CDH12: variants seen among roughly 807,000 people sequenced by gnomAD.
The protein encoded by CDH12 is cadherin-12.
In CDH12, 41 loss-of-function variants were observed where a neutral mutation model predicts 74.1. The observed-to-expected ratio is 0.55, with a 90% CI of 0.43 to 0.72. The LOEUF (loss-of-function observed/expected upper bound fraction) is 0.72, where lower values mean the gene tolerates loss of function less well. CDH12 is among the 30% of genes least tolerant of loss of function. The pLI, the probability that CDH12 is intolerant of heterozygous loss-of-function variation, is 0.00. For missense variants in CDH12, 945 were observed against 977.2 expected, an observed-to-expected ratio of 0.97 and a Z score of 0.44; for synonymous variants, 399 against 355.0, an observed-to-expected ratio of 1.12 and a Z score of -1.39.
chr5:22,503,795 T>C (rs1736274068), intron 2 of CDH12, among the ~76,000 whole-genome samples: 1 of 152,014 alleles, frequency 6.6e-6, no homozygotes, highest in African/African-American at 2.4e-5. Flanking sequence ...ATCTGGGCCT[T>C]TGGATGTTTT....
At chr5:22,597,972 G>T (rs1162913336) in intron 1 of CDH12, among the ~76,000 whole-genome samples, 1 of 152,040 alleles carries the variant, frequency 6.6e-6, no homozygotes, top group East Asian at 1.9e-4. Flanking sequence ...TGAATCAATT[G>T]GTCAGGAATG....
At chr5:22,060,686 G>A (rs771188114) in intron 5 of CDH12, among the ~76,000 whole-genome samples, 19 of 152,110 alleles carry the variant, frequency 1.2e-4, no homozygotes, top group Non-Finnish European at 1.9e-4. Context: ...GTTACTGAGG[G>A]TTTTGTATAG....
chr5:22,808,171 G>A (rs897666219), intron 1 of CDH12, among the ~76,000 whole-genome samples: 7 of 152,120 alleles, frequency 4.6e-5, no homozygotes, highest in African/African-American at 1.7e-4. Flanking sequence ...TATATTATGT[G>A]AGGAATCAAT....
intron 6 of CDH12, among the ~76,000 whole-genome samples, chr5:21,898,967 A>T (rs1420258902): frequency 2.0e-5 from 3 of 152,116 alleles, no homozygotes; most frequent in Non-Finnish European, 4.4e-5. Context: ...GTTTTAGTCT[A>T]TCTCACACAA....
chr5:22,730,196 C>T (rs1744363598), intron 1 of CDH12, among the ~76,000 whole-genome samples: 1 of 151,654 alleles, frequency 6.6e-6, no homozygotes, highest in African/African-American at 2.4e-5. Flanking sequence ...ACAACAACGA[C>T]AACAACAACA....
intron 2 of CDH12, among the ~76,000 whole-genome samples, chr5:22,448,417 C>T (rs1304302077): frequency 6.6e-6 from 1 of 151,464 alleles, no homozygotes; most frequent in Non-Finnish European, 1.5e-5. Context: ...AAACATAAAA[C>T]TATAATGAGA....
chr5:22,390,378 T>C (rs2126415605), intron 3 of CDH12, among the ~76,000 whole-genome samples: 1 of 152,298 alleles, frequency 6.6e-6, no homozygotes, highest in Middle Eastern at 3.4e-3. Flanking sequence ...ATAATTTTTG[T>C]TTGAAAATAT....
At chr5:22,457,611 C>T (rs188439120) in intron 2 of CDH12, among the ~76,000 whole-genome samples, 4 of 148,996 alleles carry the variant, frequency 2.7e-5, no homozygotes, top group Non-Finnish European at 5.9e-5. Context: ...CAGAGTCTTG[C>T]TCTGTCACCC....
At chr5:22,137,398 G>A (rs1746524696) in intron 4 of CDH12, among the ~76,000 whole-genome samples, 1 of 151,940 alleles carries the variant, frequency 6.6e-6, no homozygotes, top group African/African-American at 2.4e-5. Flanking sequence ...GGGATTGATA[G>A]TCTCTCTCCC....
intron 3 of CDH12, among the ~76,000 whole-genome samples, chr5:22,266,427 A>C (rs1736119633): frequency 6.6e-6 from 1 of 152,122 alleles, no homozygotes; most frequent in South Asian, 2.1e-4. Context: ...TATCTGGAAG[A>C]GGATATTTTT....
chr5:22,590,703 G>C (rs1051627863), intron 1 of CDH12, among the ~76,000 whole-genome samples: 6 of 152,124 alleles, frequency 3.9e-5, no homozygotes, highest in African/African-American at 1.4e-4. Flanking sequence ...AATATTTGCA[G>C]GTTGTTTTCA....
At chr5:22,520,997 T>C (rs564818458) in intron 1 of CDH12, among the ~76,000 whole-genome samples, 173 of 152,062 alleles carry the variant, frequency 1.1e-3, no homozygotes, top group Non-Finnish European at 2.0e-3. Flanking sequence ...CTTTCTTTTT[T>C]TTTTTGTCTT....
At chr5:22,613,654 T>C (rs1013495777) in intron 1 of CDH12, among the ~76,000 whole-genome samples, 1 of 152,084 alleles carries the variant, frequency 6.6e-6, no homozygotes, top group Non-Finnish European at 1.5e-5. Flanking sequence ...CGTGACTTGT[T>C]CCAGAAAGGA....
At chr5:22,004,284 A>G (rs1736800551) in intron 5 of CDH12, among the ~76,000 whole-genome samples, 1 of 152,184 alleles carries the variant, frequency 6.6e-6, no homozygotes, top group Non-Finnish European at 1.5e-5. Flanking sequence ...TGTCAAAGCT[A>G]GTTATGAAGC....
intron 3 of CDH12, among the ~76,000 whole-genome samples, chr5:22,230,520 G>A (rs1752345771): frequency 6.8e-6 from 1 of 147,422 alleles, no homozygotes; most frequent in Admixed American, 6.9e-5. Flanking sequence ...TGCCCAGGCT[G>A]GAGTGCAGTG....
rs371359584 is a variant in CDH12 at position 21,811,709 on chromosome 5, C to CTTTTTT, written c.1002+5230_1002+5235dup. ...AACACCCAACACCATATAGGACAAG[C>CTTTTTT]TTTTTTTTTTTTTTACAGTTTTCTC... On this transcript the variant is annotated intron_variant, in intron 9 of 14. Coordinates refer to ENST00000382254, the MANE Select transcript of CDH12 (RefSeq NM_004061.5). Among the ~76,000 whole-genome samples the CTTTTTT allele has an allele frequency of 1.4e-3, 197 of 139,116 alleles. 4 individuals carry two copies. Among genetic ancestry groups the CTTTTTT allele is most frequent in the African/African-American group, 4.8e-3 (182 of 38,146 alleles). 91.3% of individuals were successfully genotyped at this position (139,116 alleles called of 152,430 possible).
intron 6 of CDH12, among the ~76,000 whole-genome samples, chr5:21,858,978 G>T (rs538971296): frequency 5.3e-5 from 8 of 151,944 alleles, no homozygotes; most frequent in African/African-American, 1.7e-4. Context: ...CCTTTATGTA[G>T]TCAGAACACT....
intron 1 of CDH12, among the ~76,000 whole-genome samples, chr5:22,849,649 G>A (rs558629916): frequency 2.6e-5 from 4 of 152,184 alleles, no homozygotes; most frequent in African/African-American, 4.8e-5. Context: ...GGAATAATAC[G>A]TAAGTCCTGT....
chr5:22,424,002 C>CAAAAAAAAAAAAAAAAAAAA (rs1165781089), intron 2 of CDH12, among the ~76,000 whole-genome samples: 34 of 31,198 alleles, frequency 1.1e-3, no homozygotes, highest in East Asian at 2.2e-3. Context: ...GACTCTGTCT[C>CAAAAAAAAAAAAAAAAAAAA]AAAAAAAAAA....
Sources: allele counts gnomAD v4.1 joint callset (sites outside exome capture counted in the v4.1 genomes callset), GRCh38; gene constraint gnomAD v4.1.1; transcripts MANE v1.5; gene names NCBI Gene and HGNC (gene_info 2026-07-23, HGNC 2026-07-21).